GPC6: variants seen among roughly 807,000 people sequenced by gnomAD.
GPC6 encodes the protein glypican-6.
In GPC6, 14 loss-of-function variants were observed where a neutral mutation model predicts 55.2. The observed-to-expected ratio is 0.25, with a 90% confidence interval of 0.17 to 0.40. The LOEUF (loss-of-function observed/expected upper bound fraction) is 0.40. Ranked by LOEUF, GPC6 falls within the 10% of genes least tolerant of loss-of-function variation. The pLI is 1.00. For missense variants in GPC6, 641 were observed against 708.5 expected, an observed-to-expected ratio of 0.90 and a Z score of 1.08; for synonymous variants, 278 against 259.6, an observed-to-expected ratio of 1.07 and a Z score of -0.68.
intron 4 of GPC6, among the ~76,000 whole-genome samples, chr13:94,032,478 C>G (rs1883179675): frequency 6.6e-6 from 1 of 152,140 alleles, no homozygotes; most frequent in African/African-American, 2.4e-5. Context: ...ATTGTTACAC[C>G]AAAGCCCTCA....
At chr13:93,984,524 T>G (rs1880940584) in intron 3 of GPC6, among the ~76,000 whole-genome samples, 1 of 152,210 alleles carries the variant, frequency 6.6e-6, no homozygotes, top group Non-Finnish European at 1.5e-5. Flanking sequence ...CTCTTTGCAG[T>G]GAAGAAATAG....
At chr13:94,318,676 C>G (rs1876664781) in intron 6 of GPC6, among the ~76,000 whole-genome samples, 1 of 152,014 alleles carries the variant, frequency 6.6e-6, no homozygotes, top group Admixed American at 6.5e-5. Flanking sequence ...CATTTGAAAC[C>G]ACAGAAAGCT....
intron 2 of GPC6, among the ~76,000 whole-genome samples, chr13:93,684,730 T>C (rs1192585248): frequency 6.6e-6 from 1 of 152,094 alleles, no homozygotes; most frequent in Non-Finnish European, 1.5e-5. Context: ...ACATGTATTT[T>C]AAGTAAAAAT....
At chr13:93,333,764 C>T (rs1004872538) in intron 1 of GPC6, among the ~76,000 whole-genome samples, 2 of 152,074 alleles carry the variant, frequency 1.3e-5, no homozygotes, top group African/African-American at 4.8e-5. Flanking sequence ...CCTCAGACTC[C>T]TGGGCTCAAA....
chr13:93,708,007 T>C (rs112521966), intron 2 of GPC6, among the ~76,000 whole-genome samples: 7 of 151,860 alleles, frequency 4.6e-5, no homozygotes, highest in African/African-American at 1.7e-4. Context: ...TTAATTTTGA[T>C]GTTAGCTCAC....
intron 6 of GPC6, among the ~76,000 whole-genome samples, chr13:94,322,381 C>G (rs1196707119): frequency 6.6e-6 from 1 of 152,176 alleles, no homozygotes; most frequent in Non-Finnish European, 1.5e-5. Flanking sequence ...CAGACGACTA[C>G]ACCTACCCAG....
rs117980401 is a variant in GPC6, at chr13:93,900,168, G to A, written c.711+69623G>A. Among the ~76,000 whole-genome samples the A allele has an allele frequency of 3.3e-5, 5 of 151,706 alleles. No individual in the cohort carries two copies. In the East Asian group the frequency reaches 7.8e-4, roughly 24 times the overall value. On this transcript the variant is annotated intron_variant, in intron 3 of 8. Coordinates refer to ENST00000377047, the MANE Select transcript of GPC6 (RefSeq NM_005708.5). ...AAGCACTTGCTTGTTTTTTTTAAGT[G>A]ACTTAAGAATCTTCAGCATTCAAAT...
At position 93,890,715 on chromosome 13, in the gene GPC6, A is replaced by ATTT. The variant is rs757639517; in HGVS notation, c.711+60170_711+60171insTTT. Among the ~76,000 whole-genome samples, 63 of 126,430 alleles carry ATTT rather than the reference A, an allele frequency of 5.0e-4. 1 individual carries two copies. Among genetic ancestry groups the ATTT allele is most frequent in the East Asian group, 3.1e-3 (15 of 4,850 alleles). 82.9% of individuals were successfully genotyped at this position (126,430 alleles called of 152,430 possible). On this transcript the variant is annotated intron_variant, in intron 3 of 8. Transcript: ENST00000377047. ...TAGTTTTCTGTTATAAATTTTACTT[A>ATTT]ATTTTTTTTTTTTTTTTTGCTTAGA...
intron 2 of GPC6, among the ~76,000 whole-genome samples, chr13:93,734,197 A>C (rs1883921650): frequency 6.6e-6 from 1 of 152,198 alleles, no homozygotes; most frequent in African/African-American, 2.4e-5. Context: ...ACTGTATTAA[A>C]CATGAATGAA....
At chr13:93,730,797 A>G (rs1883795549) in intron 2 of GPC6, among the ~76,000 whole-genome samples, 1 of 152,196 alleles carries the variant, frequency 6.6e-6, no homozygotes, top group African/African-American at 2.4e-5. Flanking sequence ...GGCAGCCTTC[A>G]AACCTTGTCC....
chr13:93,754,865 C>A (rs1884718481), intron 2 of GPC6, among the ~76,000 whole-genome samples: 1 of 152,148 alleles, frequency 6.6e-6, no homozygotes, highest in Non-Finnish European at 1.5e-5. Context: ...AAAGCCTGAG[C>A]ATGAATCTAG....
intron 2 of GPC6, among the ~76,000 whole-genome samples, chr13:93,571,204 A>T (rs1310260355): frequency 1.3e-5 from 2 of 152,074 alleles, no homozygotes; most frequent in South Asian, 2.1e-4. Context: ...TTTCTCTAAC[A>T]TTCTCGTCCC....
intron 1 of GPC6, among the ~76,000 whole-genome samples, chr13:93,231,373 A>ATG (rs1876025731): frequency 1.4e-3 from 25 of 17,330 alleles, no homozygotes; most frequent in African/African-American, 7.0e-3. Flanking sequence ...ATATATATAT[A>ATG]TATATACATA....
At chr13:93,534,511 C>T (rs574293135) in intron 1 of GPC6, among the ~76,000 whole-genome samples, 2 of 152,096 alleles carry the variant, frequency 1.3e-5, no homozygotes, top group East Asian at 3.9e-4. Context: ...GTTAACGAGG[C>T]CCTCCTGTCT....
At chr13:93,894,536 A>T (rs1875880397) in intron 3 of GPC6, among the ~76,000 whole-genome samples, 1 of 152,188 alleles carries the variant, frequency 6.6e-6, no homozygotes, top group Non-Finnish European at 1.5e-5. Context: ...TATGCTATGT[A>T]TTTATGGATA....
chr13:94,086,439 G>A (rs1410748), intron 4 of GPC6, among the ~76,000 whole-genome samples: 20,434 of 151,632 alleles, frequency 0.13, 1,646 homozygotes, highest in East Asian at 0.33. Context: ...AAGGACTGGG[G>A]AGAGGCAGAT....
chr13:93,571,190 C>G (rs1876386989), intron 2 of GPC6, among the ~76,000 whole-genome samples: 1 of 152,030 alleles, frequency 6.6e-6, no homozygotes, highest in Non-Finnish European at 1.5e-5. Context: ...TCATCACTGC[C>G]AACTTTCTCT....
intron 3 of GPC6, among the ~76,000 whole-genome samples, chr13:93,899,180 A>T (rs1286094036): frequency 6.6e-6 from 1 of 151,738 alleles, no homozygotes; most frequent in East Asian, 1.9e-4. Context: ...TTCAACACAT[A>T]ATCTTGACCA....
intron 2 of GPC6, among the ~76,000 whole-genome samples, chr13:93,722,832 A>G (rs1385220515): frequency 6.6e-6 from 1 of 151,770 alleles, no homozygotes; most frequent in Non-Finnish European, 1.5e-5. Flanking sequence ...TTGTAGACAC[A>G]TCGCTCCAAT....
Sources: gnomAD v4.1 joint callset for allele counts (sites outside exome capture counted in the v4.1 genomes callset) on GRCh38, gnomAD v4.1.1 for gene constraint, MANE v1.5 for transcripts, NCBI Gene and HGNC (gene_info 2026-07-23, HGNC 2026-07-21) for gene names.